The following ROBO2 variants were observed in gnomAD, a reference collection of about 807,000 sequenced individuals.
The protein encoded by ROBO2 is roundabout guidance receptor 2, also known as roundabout homolog 2.
A neutral mutation model predicts 160.8 loss-of-function variants in ROBO2; 53 were observed. The observed-to-expected ratio is 0.33, with a 90% CI of 0.26 to 0.41. The LOEUF (loss-of-function observed/expected upper bound fraction) is 0.41, where lower values mean the gene tolerates loss of function less well. Ranked by LOEUF, ROBO2 falls within the 10% of genes least tolerant of loss-of-function variation. ROBO2 has a pLI of 1.00. For missense variants in ROBO2, 1,577 were observed against 1,722.4 expected (o/e 0.92, Z 1.49); for synonymous variants, 664 against 611.7 (o/e 1.09, Z -1.26).
At position 77,407,397 on chromosome 3, in the gene ROBO2, A is replaced by G. The variant is rs1321103170; in HGVS notation, c.389-70017A>G. Among the ~76,000 whole-genome samples, 3 of 152,214 alleles carry G rather than the reference A, an allele frequency of 2.0e-5. No individual in the cohort carries two copies. The East Asian group carries it at 5.8e-4, about 29-fold the overall frequency. Reference sequence around the variant, plus strand: ...TATCATAAAATTATGGTTCCAATTTACTGACACATTGCCTTGCTGGAAATG... The same window carrying G: ...TATCATAAAATTATGGTTCCAATTTGCTGACACATTGCCTTGCTGGAAATG... On this transcript the variant is annotated intron_variant, in intron 2 of 25. Transcript: ENST00000461745.
chr3:77,648,411 G>A (rs1025373341), exon 26 of ROBO2: 1 of 152,178 alleles, frequency 6.6e-6, no homozygotes, highest in African/African-American at 2.4e-5. Context: ...GTGTGCAGAT[G>A]ACTTTTGGAA....
At chr3:77,316,950 G>A (rs1440478698) in intron 2 of ROBO2, 2 of 1,337,058 alleles carry the variant, frequency 1.5e-6, no homozygotes, top group Non-Finnish European at 2.2e-6. Flanking sequence ...CTGTTCCGAA[G>A]CGCGTGTTAC....
chr3:77,370,929 G>A (rs2071665290), intron 2 of ROBO2, among the ~76,000 whole-genome samples: 1 of 152,154 alleles, frequency 6.6e-6, no homozygotes, highest in South Asian at 2.1e-4. Context: ...AGGGAAATGA[G>A]CTGAAAGTTT....
Position 75,916,364 on chromosome 3 carries a change from C to T in ROBO2, c.-14+9404C>T, listed in dbSNP as rs77473377. ...TCACTGATTTATTTATTTATTATTT[C>T]GGGGGGATCACTATTATTTGCTGTA... On this transcript the variant is annotated intron_variant, in intron 1 of 26. Transcript: ENST00000487694. 8.8e-4 allele frequency among the ~76,000 whole-genome samples: 134 copies of T among 152,088 alleles called. 1 individual carries two copies. The highest frequency in any genetic ancestry group is 2.7e-3 in the Admixed American group (41 of 15,268).
At chr3:76,846,557 A>T (rs1485749837) in intron 2 of ROBO2, among the ~76,000 whole-genome samples, 1 of 152,154 alleles carries the variant, frequency 6.6e-6, no homozygotes, top group African/African-American at 2.4e-5. Context: ...ATTACTATTA[A>T]CACTGATGGG....
At chr3:76,043,775 A>G (rs1189753427) in intron 2 of ROBO2, among the ~76,000 whole-genome samples, 2 of 151,944 alleles carry the variant, frequency 1.3e-5, no homozygotes, top group African/African-American at 2.4e-5. Flanking sequence ...ATATTTTAGT[A>G]TCATGCTAAG....
At chr3:76,309,997 T>G (rs2071501255) in intron 2 of ROBO2, among the ~76,000 whole-genome samples, 1 of 152,002 alleles carries the variant, frequency 6.6e-6, no homozygotes, top group Non-Finnish European at 1.5e-5. Context: ...AATTTTTTTT[T>G]TTTTGTAGAG....
At chr3:77,550,688 T>A in intron 7 of ROBO2, 130 bp from the exon 9 acceptor site, 1 of 985,876 alleles carries the variant, frequency 1.0e-6, no homozygotes. Context: ...TTTAAACATT[T>A]CTGAACCATA....
Position 76,535,125 on chromosome 3 carries a change from G to T in ROBO2, c.110-562889G>T, listed in dbSNP as rs564404488. On this transcript the variant is annotated intron_variant, in intron 2 of 26. Coordinates refer to the ROBO2 transcript ENST00000487694. ...GGGATGCAAGGGGTTGGTAAAGAAG[G>T]CTTCTTTGACAAGGTCATTAACAGA... is the stretch of plus-strand genomic sequence containing the variant. Among the ~76,000 whole-genome samples, 10 of 152,094 alleles carry T rather than the reference G, an allele frequency of 6.6e-5. No individual in the cohort carries two copies. The South Asian group carries it at 2.1e-3, about 32-fold the overall frequency.
chr3:76,505,083 C>A (rs2080723191), intron 2 of ROBO2, among the ~76,000 whole-genome samples: 1 of 151,908 alleles, frequency 6.6e-6, no homozygotes, highest in South Asian at 2.1e-4. Context: ...AAATTGAAGA[C>A]ACCTTAGATT....
chr3:77,258,886 T>G (rs1243876432), intron 2 of ROBO2, among the ~76,000 whole-genome samples: 1 of 152,214 alleles, frequency 6.6e-6, no homozygotes, highest in East Asian at 1.9e-4. Context: ...GCAAGGAGTT[T>G]CCTTACATAC....
At chr3:76,893,599 T>C (rs745737882) in intron 2 of ROBO2, among the ~76,000 whole-genome samples, 14 of 152,140 alleles carry the variant, frequency 9.2e-5, no homozygotes, top group Non-Finnish European at 1.9e-4. Context: ...ATGCATAATA[T>C]GTATAATGAT....
intron 2 of ROBO2, among the ~76,000 whole-genome samples, chr3:76,068,672 G>A (rs1222462175): frequency 6.6e-6 from 1 of 152,012 alleles, no homozygotes. Flanking sequence ...TCAAGATACT[G>A]CCTCCTTTCT....
chr3:76,291,300 C>G (rs1385861361), intron 2 of ROBO2, among the ~76,000 whole-genome samples: 1 of 152,066 alleles, frequency 6.6e-6, no homozygotes, highest in African/African-American at 2.4e-5. Context: ...AGGAATTTAT[C>G]CATTTCTTCT....
chr3:77,108,927 G>A (rs1010901873), intron 2 of ROBO2, among the ~76,000 whole-genome samples: 20 of 152,078 alleles, frequency 1.3e-4, no homozygotes, highest in African/African-American at 4.8e-4. Context: ...TTTGATGTGG[G>A]CTTGTTATTT....
chr3:76,635,002 G>A (rs2090247507), intron 2 of ROBO2, among the ~76,000 whole-genome samples: 1 of 152,180 alleles, frequency 6.6e-6, no homozygotes, highest in Non-Finnish European at 1.5e-5. Flanking sequence ...GATGATCTGA[G>A]GTGGAACAGT....
chr3:76,461,969 C>T (rs1473139365), intron 2 of ROBO2, among the ~76,000 whole-genome samples: 1 of 152,052 alleles, frequency 6.6e-6, no homozygotes, highest in Non-Finnish European at 1.5e-5. Context: ...GTCCCTTCAG[C>T]TTTTTCAGTT....
intron 2 of ROBO2, among the ~76,000 whole-genome samples, chr3:76,008,724 AG>A (rs2107601446): frequency 1.1e-5 from 1 of 87,202 alleles, no homozygotes; most frequent in Admixed American, 1.5e-4. Context: ...TTGTTAGTTT[AG>A]GGTAGAAGGG....
intron 1 of ROBO2, among the ~76,000 whole-genome samples, chr3:75,916,981 C>A (rs1179319445): frequency 2.1e-5 from 1 of 46,890 alleles, no homozygotes; most frequent in Non-Finnish European, 5.1e-5. Context: ...TGCATGTTTT[C>A]TATATATATA....
Sources: allele counts gnomAD v4.1 joint callset (sites outside exome capture counted in the v4.1 genomes callset), GRCh38; gene constraint gnomAD v4.1.1; transcripts MANE v1.5; gene names NCBI Gene and HGNC (gene_info 2026-07-23, HGNC 2026-07-21).